The following TRPC7 variants were observed in gnomAD, a reference collection of about 807,000 sequenced individuals.
TRPC7 encodes short transient receptor potential channel 7.
TRPC7 carries 42 observed loss-of-function variants against 90.1 expected under a neutral mutation model. The observed-to-expected ratio is 0.47, with a 90% CI of 0.36 to 0.60. The LOEUF (loss-of-function observed/expected upper bound fraction) is 0.60. TRPC7 is among the 20% of genes least tolerant of loss of function. The probability of loss-of-function intolerance (pLI) is 0.00; values close to 1 mark genes in which losing one functional copy is unlikely to be tolerated. For synonymous variants in TRPC7, 451 were observed against 436.3 expected, an observed-to-expected ratio of 1.03 and a Z score of -0.42; for missense variants, 955 against 1,112.3, an observed-to-expected ratio of 0.86 and a Z score of 2.01.
At chr5:136,286,961 T>C (rs753274703) in intron 3 of TRPC7, among the ~76,000 whole-genome samples, 7 of 151,920 alleles carry the variant, frequency 4.6e-5, no homozygotes, top group Non-Finnish European at 8.8e-5. Context: ...GCTCTTAAAC[T>C]CTGCTGAAAT....
Position 136,365,275 on chromosome 5 carries a change from T to G in TRPC7, c.-21A>C. ...TACATTGAGGGTGTAATACGCAGGC[T>G]TGTTCCTCCTCTAGATGACCGGAAT... On this transcript the variant is annotated 5_prime_UTR_variant, in exon 1 of 12. Transcript: ENST00000513104. The G allele has an allele frequency of 1.3e-6, 2 of 1,537,176 alleles. No homozygotes were observed. The highest frequency in any genetic ancestry group is 1.7e-6 in the Non-Finnish European group (2 of 1,146,870).
At position 136,365,233 on chromosome 5, in the gene TRPC7, G is replaced by C; in HGVS notation, c.2+20C>G. On this transcript the variant is annotated intron_variant, in intron 1 of 11. Transcript: ENST00000513104. ...ACTGGAAAAAAAAATCAATATGAAA[G>C]AACCATCATAGCTGCTTACATTGAG... The C allele has an allele frequency of 6.5e-7, 1 of 1,536,772 alleles. No individual in the cohort carries two copies. The highest frequency in any genetic ancestry group is 8.7e-7 in the Non-Finnish European group (1 of 1,146,678).
chr5:136,286,016 A>T (rs972750259), intron 3 of TRPC7, among the ~76,000 whole-genome samples: 2 of 152,200 alleles, frequency 1.3e-5, no homozygotes, highest in Non-Finnish European at 2.9e-5. Flanking sequence ...ACTAGAACAT[A>T]AGCTTTATAA....
At chr5:136,289,538 G>A (rs1015633385) in intron 3 of TRPC7, among the ~76,000 whole-genome samples, 7 of 152,248 alleles carry the variant, frequency 4.6e-5, no homozygotes, top group African/African-American at 1.7e-4. Flanking sequence ...ACGGAGCCTT[G>A]CTCATTGCTA....
Position 136,247,433 on chromosome 5 carries a change from C to T in TRPC7, c.1844+38G>A, listed in dbSNP as rs765127131. ...AGACTCCCAAGGATTCCCAGGAAGC[C>T]CAGGGAGAACCTCAGGGGAAAGCTC... On this transcript the variant is annotated intron_variant, in intron 7 of 11. Coordinates refer to ENST00000513104, the MANE Select transcript of TRPC7 (RefSeq NM_020389.3). The surrounding 1 kb of genome is among the most constrained non-coding windows in gnomAD (Gnocchi z 4.2). The T allele has an allele frequency of 1.7e-5, 26 of 1,569,168 alleles. No homozygotes were observed. Among genetic ancestry groups the T allele is most frequent in the Non-Finnish European group, 2.0e-5 (23 of 1,156,084 alleles).
At position 136,357,280 on chromosome 5, in the gene TRPC7, C is replaced by T. The variant is rs1166553237; in HGVS notation, c.108G>A (p.Lys36=). The stretch of plus-strand genomic sequence containing the variant: ...CCTCCTCGGGCGTCAGACTGGTGCC[C>T]TTCTCGTTGAACATGTAGGCGGGAC... The part of the protein sequence containing the change: ...IRGPAYMFNE[K]GTSLTPEEER... The change falls in exon 2 of 12, where the codon AAG becomes AAA. Residue 36 remains lysine (K), a synonymous_variant. Coordinates refer to ENST00000513104, the MANE Select transcript of TRPC7 (RefSeq NM_020389.3). The T allele has an allele frequency of 1.2e-6, 2 of 1,612,910 alleles. No homozygotes were observed. Among genetic ancestry groups the T allele is most frequent in the Admixed American group, 1.7e-5 (1 of 60,016 alleles).
In TRPC7 at chr5:136,225,361, AAAAC is replaced by A; in HGVS notation, c.2263-11_2263-8del. 1.2e-6 allele frequency: 2 copies of A among 1,611,894 alleles called. No individual in the cohort carries two copies. The highest frequency in any genetic ancestry group is 1.7e-6 in the Non-Finnish European group (2 of 1,179,100). ...CAGCCTGGTAGCGAGTCTTCTGGAT[AAAAC>A]AAACAAACCCACACACATCACACAG... On this transcript the variant is annotated splice_region_variant and splice_polypyrimidine_tract_variant and intron_variant, in intron 9 of 11. Coordinates refer to ENST00000513104, the MANE Select transcript of TRPC7 (RefSeq NM_020389.3).
chr5:136,218,748 A>G (rs1755355525), intron 10 of TRPC7, among the ~76,000 whole-genome samples: 1 of 152,224 alleles, frequency 6.6e-6, no homozygotes, highest in Admixed American at 6.5e-5. Context: ...GGAGCCCCTC[A>G]GGAGGAAGGG....
chr5:136,242,752 G>A (rs1357898703), intron 7 of TRPC7, among the ~76,000 whole-genome samples: 1 of 152,146 alleles, frequency 6.6e-6, no homozygotes, highest in Admixed American at 6.5e-5. Context: ...CCAGGGGCTT[G>A]TTAATGTTGA....
chr5:136,276,427 G>C (rs1022112931), intron 3 of TRPC7, among the ~76,000 whole-genome samples: 3 of 152,136 alleles, frequency 2.0e-5, no homozygotes, highest in Non-Finnish European at 2.9e-5. Flanking sequence ...CATATACAAC[G>C]ATTCCTGGGA....
At chr5:136,342,882 C>T (rs1417501177) in intron 2 of TRPC7, among the ~76,000 whole-genome samples, 2 of 151,894 alleles carry the variant, frequency 1.3e-5, no homozygotes, top group Non-Finnish European at 2.9e-5. Flanking sequence ...TATGATGAAA[C>T]TGTGGAAGAA....
chr5:136,308,673 G>A (rs1758728226), intron 3 of TRPC7, among the ~76,000 whole-genome samples: 4 of 152,180 alleles, frequency 2.6e-5, no homozygotes, highest in African/African-American at 7.2e-5. Context: ...CATGGTCACT[G>A]CACTAGGGAG....
chr5:136,289,807 C>A (rs956797911), intron 3 of TRPC7, among the ~76,000 whole-genome samples: 1 of 152,230 alleles, frequency 6.6e-6, no homozygotes, highest in Non-Finnish European at 1.5e-5. Context: ...GTTCTCCCAG[C>A]ACGCAGCTTG....
chr5:136,325,839 G>T (rs977666976), intron 2 of TRPC7, among the ~76,000 whole-genome samples: 2 of 152,164 alleles, frequency 1.3e-5, no homozygotes, highest in African/African-American at 4.8e-5. Context: ...AACACCTAAA[G>T]CTTCTTAAAG....
Position 136,346,850 on chromosome 5 carries a change from A to G in TRPC7, c.780+9758T>C, listed in dbSNP as rs540238987. 5.3e-5 allele frequency among the ~76,000 whole-genome samples: 8 copies of G among 152,148 alleles called. 1 individual carries two copies. The highest frequency in any genetic ancestry group is 1.2e-4 in the Non-Finnish European group (8 of 68,032). On this transcript the variant is annotated intron_variant, in intron 2 of 11. Coordinates refer to ENST00000513104, the MANE Select transcript of TRPC7 (RefSeq NM_020389.3). The stretch of plus-strand genomic sequence containing the variant: ...GAGTTGAATAGCACCCCGCAGCCCA[A>G]TGCATGTCCTTCCTGGTACCTCAGA...
intron 3 of TRPC7, among the ~76,000 whole-genome samples, chr5:136,289,250 C>T (rs13361617): frequency 0.12 from 18,367 of 152,196 alleles, 1,149 homozygotes; most frequent in African/African-American, 0.14. Context: ...AGACGGGTGA[C>T]TTCTGCATTT....
chr5:136,232,751 TG>T (rs2149797694), intron 7 of TRPC7, among the ~76,000 whole-genome samples: 1 of 152,354 alleles, frequency 6.6e-6, no homozygotes, highest in South Asian at 2.1e-4. Context: ...ATAAGAAAGC[TG>T]GATTTTGGTT....
chr5:136,267,821 G>T lies in TRPC7; in HGVS notation c.1129-1385C>A, dbSNP rs567072198. Among the ~76,000 whole-genome samples, 263 of 152,286 alleles carry T rather than the reference G, an allele frequency of 1.7e-3. 3 individuals are homozygous for T. The highest frequency in any genetic ancestry group is 6.1e-3 in the African/African-American group (255 of 41,558). On this transcript the variant is annotated intron_variant, in intron 4 of 11. Coordinates refer to ENST00000513104, the MANE Select transcript of TRPC7 (RefSeq NM_020389.3). Reference sequence around the variant, plus strand: ...TCCCTGCTTGTGTTAGAATTCATCTGCATATTGTCATATGACACTAGGAAT... The same window carrying T: ...TCCCTGCTTGTGTTAGAATTCATCTTCATATTGTCATATGACACTAGGAAT...
At chr5:136,360,360 G>C (rs1208615818) in intron 1 of TRPC7, among the ~76,000 whole-genome samples, 1 of 152,124 alleles carries the variant, frequency 6.6e-6, no homozygotes, top group African/African-American at 2.4e-5. Context: ...AAGAAACTCT[G>C]GTAGGTCAAG....
Sources: gnomAD v4.1 joint callset for allele counts (sites outside exome capture counted in the v4.1 genomes callset) on GRCh38, gnomAD v4.1.1 for gene constraint, Gnocchi (gnomAD v3.1) non-coding constraint, MANE v1.5 for transcripts, NCBI Gene and HGNC (gene_info 2026-07-23, HGNC 2026-07-21) for gene names.